TET2: variants seen among roughly 807,000 people sequenced by gnomAD.
TET2 encodes methylcytosine dioxygenase TET2.
TET2 carries 299 observed loss-of-function variants against 142.9 expected under a neutral mutation model. That is an observed-to-expected ratio of 2.09 (90% CI 1.90 to 2.30). TET2 has a LOEUF of 2.30. TET2 is among the 30% of genes most tolerant of loss of function. The probability of loss-of-function intolerance (pLI) is 0.00; values close to 1 mark genes in which losing one functional copy is unlikely to be tolerated. For missense variants in TET2, 2,418 were observed against 2,378.0 expected, an observed-to-expected ratio of 1.02 and a Z score of -0.35; for synonymous variants, 819 against 849.0, an observed-to-expected ratio of 0.96 and a Z score of 0.61.
chr4:105,245,051 T>A (rs1729519321), intron 6 of TET2, among the ~76,000 whole-genome samples: 1 of 152,262 alleles, frequency 6.6e-6, no homozygotes, highest in South Asian at 2.1e-4. Flanking sequence ...TAGCCAAATT[T>A]GTCCTTTGCT....
chr4:105,181,083 A>C (rs1247547965), intron 1 of TET2, among the ~76,000 whole-genome samples: 1 of 152,100 alleles, frequency 6.6e-6, no homozygotes, highest in East Asian at 1.9e-4. Flanking sequence ...GATTCTGTAA[A>C]TCATCACTCT....
chr4:105,192,048 T>C (rs1725821530), intron 2 of TET2, among the ~76,000 whole-genome samples: 1 of 152,170 alleles, frequency 6.6e-6, no homozygotes, highest in Non-Finnish European at 1.5e-5. Context: ...CTCATTCTGC[T>C]CTTGTCTTTT....
At chr4:105,221,373 A>G (rs373511906) in intron 2 of TET2, among the ~76,000 whole-genome samples, 30 of 152,200 alleles carry the variant, frequency 2.0e-4, no homozygotes, top group African/African-American at 6.3e-4. Context: ...TCTTAAATGC[A>G]GATCTCTATC....
rs555054357 is a variant in TET2 at position 105,188,091 on chromosome 4, C to A, written c.-192-2269C>A. ...TCCATGTTTGTTGCAGCATTATTCA[C>A]AATAGCCTAAAGGTAGAAGCAACCC... On this transcript the variant is annotated intron_variant, in intron 1 of 10. Coordinates refer to ENST00000380013, the MANE Select transcript of TET2 (RefSeq NM_001127208.3). Among the ~76,000 whole-genome samples, 4 of 152,278 alleles carry A rather than the reference C, an allele frequency of 2.6e-5. No homozygotes were observed. The East Asian group carries it at 7.7e-4, about 29-fold the overall frequency.
chr4:105,257,790 C>T (rs546015141), intron 6 of TET2, among the ~76,000 whole-genome samples: 2 of 152,120 alleles, frequency 1.3e-5, no homozygotes, highest in Non-Finnish European at 2.9e-5. Flanking sequence ...ATTAGCTACA[C>T]CTGAGTCAGT....
chr4:105,263,589 A>G (rs1235828180), intron 8 of TET2, among the ~76,000 whole-genome samples: 1 of 152,164 alleles, frequency 6.6e-6, no homozygotes, highest in African/African-American at 2.4e-5. Context: ...TGGGGAGAAG[A>G]TATCAAAATT....
intron 2 of TET2, among the ~76,000 whole-genome samples, chr4:105,199,473 T>C (rs1341490598): frequency 6.6e-6 from 1 of 152,208 alleles, no homozygotes; most frequent in Admixed American, 6.5e-5. Context: ...TCCATCTTGT[T>C]TCTTCAAGTC....
chr4:105,267,490 T>C (rs1730737029), intron 8 of TET2, among the ~76,000 whole-genome samples: 2 of 151,214 alleles, frequency 1.3e-5, no homozygotes, highest in Non-Finnish European at 2.9e-5. Context: ...GGTATATTAC[T>C]TGGCTGTAAA....
intron 1 of TET2, among the ~76,000 whole-genome samples, chr4:105,167,207 T>G (rs1054271466): frequency 6.6e-6 from 1 of 152,122 alleles, no homozygotes; most frequent in Non-Finnish European, 1.5e-5. Flanking sequence ...AAGTCCATTT[T>G]CTATTCTCTG....
intron 2 of TET2, among the ~76,000 whole-genome samples, chr4:105,201,823 C>T (rs1325595016): frequency 6.9e-6 from 1 of 145,530 alleles, no homozygotes; most frequent in African/African-American, 2.6e-5. Flanking sequence ...CTCACTGCAG[C>T]CTCAACTTCC....
chr4:105,166,546 C>T (rs1376110257), intron 1 of TET2, among the ~76,000 whole-genome samples: 2 of 150,186 alleles, frequency 1.3e-5, no homozygotes, highest in Non-Finnish European at 3.0e-5. Flanking sequence ...TCTATTATTG[C>T]TTTAGTCTCA....
intron 2 of TET2, among the ~76,000 whole-genome samples, chr4:105,216,619 T>C: frequency 6.6e-6 from 1 of 152,100 alleles, no homozygotes; most frequent in East Asian, 1.9e-4. Context: ...ATATAAACTT[T>C]AAAAGTAATG....
At chr4:105,159,467 C>G (rs1017459196) in intron 1 of TET2, among the ~76,000 whole-genome samples, 1 of 151,886 alleles carries the variant, frequency 6.6e-6, no homozygotes, top group Non-Finnish European at 1.5e-5. Context: ...GTTGGTCAGC[C>G]TGGTGTTGAA....
chr4:105,203,765 C>G (rs1726622798), intron 2 of TET2, among the ~76,000 whole-genome samples: 1 of 152,164 alleles, frequency 6.6e-6, no homozygotes, highest in Non-Finnish European at 1.5e-5. Flanking sequence ...GAGGAAATGT[C>G]TTGGGAAATA....
At chr4:105,255,204 T>C (rs984989522) in intron 6 of TET2, among the ~76,000 whole-genome samples, 5 of 152,218 alleles carry the variant, frequency 3.3e-5, no homozygotes, top group Non-Finnish European at 5.9e-5. Context: ...TCCAATAAAA[T>C]ATGAGTATGT....
rs145415905 is a variant in TET2 at position 105,219,844 on chromosome 4, A to G, written c.-46-14053A>G. Among the ~76,000 whole-genome samples the G allele has an allele frequency of 2.8e-3, 429 of 152,148 alleles. 2 individuals carry two copies. The highest frequency in any genetic ancestry group is 9.9e-3 in the African/African-American group (410 of 41,518). ...TCATTATATAGTATTTAATAGGGCA[A>G]CCACTCCCCGATACTCTTGATTCCT... On this transcript the variant is annotated intron_variant, in intron 2 of 10. Transcript: ENST00000380013.
Position 105,279,800 on chromosome 4 carries a change from CT to C in TET2, c.*3282del, listed in dbSNP as rs1731375137. On this transcript the variant is annotated 3_prime_UTR_variant, in exon 11 of 11. Coordinates refer to ENST00000380013, the MANE Select transcript of TET2 (RefSeq NM_001127208.3). ...AAAATTTATATTTATTTAATGCACT[CT>C]AAGTGTTGTCTTCCTGAAGTTTTTT... The C allele has an allele frequency of 4.8e-6, 1 of 207,708 alleles. No homozygotes were observed. The highest frequency in any genetic ancestry group is 9.8e-6 in the Non-Finnish European group (1 of 102,114). 12.9% of individuals were successfully genotyped at this position (207,708 alleles called of 1,614,324 possible).
At chr4:105,155,288 A>G (rs1220496424) in intron 1 of TET2, among the ~76,000 whole-genome samples, 1 of 152,248 alleles carries the variant, frequency 6.6e-6, no homozygotes, top group African/African-American at 2.4e-5. Context: ...TTTTCCTGTT[A>G]ACTGATACTG....
chr4:105,174,405 T>C (rs1223044942), intron 1 of TET2, among the ~76,000 whole-genome samples: 1 of 152,092 alleles, frequency 6.6e-6, no homozygotes, highest in Non-Finnish European at 1.5e-5. Context: ...AACAAAAAAC[T>C]CTTTAAAAAC....
Sources: gnomAD v4.1 joint callset for allele counts (sites outside exome capture counted in the v4.1 genomes callset) on GRCh38, gnomAD v4.1.1 for gene constraint, MANE v1.5 for transcripts, NCBI Gene and HGNC (gene_info 2026-07-23, HGNC 2026-07-21) for gene names.